The following CWC25 variants were observed in gnomAD, a reference collection of about 807,000 sequenced individuals.
The protein encoded by CWC25 is pre-mRNA-splicing factor CWC25 homolog.
In CWC25, 31 loss-of-function variants were observed where a neutral mutation model predicts 54.6. The ratio of observed to expected loss-of-function variants is 0.57; its 90% CI spans 0.43 to 0.77. The LOEUF (loss-of-function observed/expected upper bound fraction) is 0.77, where lower values mean the gene tolerates loss of function less well. CWC25 is among the 30% of genes least tolerant of loss of function. The pLI is 0.00. For synonymous variants in CWC25, 151 were observed against 187.0 expected (o/e 0.81, Z 1.57); for missense variants, 453 against 529.3 (o/e 0.86, Z 1.41).
chr17:38,804,895 T>C (rs550985030), intron 8 of CWC25, among the ~76,000 whole-genome samples: 2 of 148,130 alleles, frequency 1.4e-5, no homozygotes, highest in South Asian at 2.1e-4. Context: ...TCACCTGAGG[T>C]TGGGAGTTCG....
rs374775353 is a variant in CWC25 at position 38,806,314 on chromosome 17, A to G, written c.984T>C (p.His328=). Residue 328 remains histidine, a synonymous_variant, in exon 8 of 10, where the codon CAT becomes CAC. Transcript: ENST00000614790. ...SPKKEVYQRR[H]APGYTRKLSA... is the part of the protein sequence containing the mutation. ...TGACTCACCTGGTGTATCCGGGAGC[A>G]TGTCGCCTTTGGTAGACCTCTTTTT... The G allele has an allele frequency of 2.0e-4, 322 of 1,612,446 alleles. 1 individual carries two copies. The highest frequency in any genetic ancestry group is 1.3e-3 in the Middle Eastern group (8 of 6,060).
chr17:38,801,972 C>G lies in CWC25; in HGVS notation c.*120G>C. On this transcript the variant is annotated 3_prime_UTR_variant, in exon 10 of 10. Coordinates refer to ENST00000614790, the MANE Select transcript of CWC25 (RefSeq NM_017748.5). ...TTCAGGACTCAATGAAGCAGGGTCA[C>G]TTTGAACACTGGTGGTTTGACATCT... is the stretch of plus-strand genomic sequence containing the variant. 1 of 617,440 alleles carries G rather than the reference C, an allele frequency of 1.6e-6. No individual in the cohort carries two copies. 38.2% of individuals were successfully genotyped at this position (617,440 alleles called of 1,614,324 possible). A position where few individuals can be genotyped will look rare whatever the true frequency, so the allele number is the denominator to read the frequency against.
At chr17:38,803,593 G>A (rs529757548) in intron 8 of CWC25, among the ~76,000 whole-genome samples, 5 of 151,934 alleles carry the variant, frequency 3.3e-5, no homozygotes, top group Admixed American at 3.3e-4. Flanking sequence ...TCGCACCACT[G>A]CACTCCAGCC....
At chr17:38,809,586 T>G in intron 6 of CWC25, 116 bp downstream of exon 6, 1 of 855,342 alleles carries the variant, frequency 1.2e-6, no homozygotes, top group Middle Eastern at 2.7e-4. Context: ...GCGATAAGAA[T>G]GGGCCTGTTT....
At chr17:38,812,303 T>C (rs1157788391) in intron 4 of CWC25, among the ~76,000 whole-genome samples, 1 of 152,110 alleles carries the variant, frequency 6.6e-6, no homozygotes. Flanking sequence ...TGGTAATGCT[T>C]TCCACAGGCT....
intron 3 of CWC25, among the ~76,000 whole-genome samples, chr17:38,814,472 G>A (rs2143579808): frequency 6.6e-6 from 1 of 151,398 alleles, no homozygotes; most frequent in Non-Finnish European, 1.5e-5. Flanking sequence ...TGGGCGTGGT[G>A]GCTCACGCCT....
intron 3 of CWC25, among the ~76,000 whole-genome samples, chr17:38,814,527 TG>T (rs1180826889): frequency 6.6e-6 from 1 of 150,450 alleles, no homozygotes; most frequent in Admixed American, 6.6e-5. Flanking sequence ...GATCACAAGG[TG>T]GTCAGGAGAT....
intron 2 of CWC25, chr17:38,815,543 C>T (rs2143584016): frequency 1.6e-6 from 1 of 639,932 alleles, no homozygotes; most frequent in Non-Finnish European, 2.5e-6. Context: ...CGGAGCCAGA[C>T]CTTGTCTCAA....
In CWC25 at chr17:38,815,081, A is replaced by G. The variant is rs770533896; in HGVS notation, c.208T>C (p.Leu70=). ...VGAVKKKEEK[L]DWMYQGPGGM... is the part of the protein sequence containing the mutation. ...CCAGGACCCTGGTACATCCAGTCCA[A>G]CTTTTCTTCTTTTTTCCTGGTTCAA... Residue 70 remains leucine (L), a synonymous_variant, in exon 3 of 10, where the codon TTG becomes CTG. Transcript: ENST00000614790. 209 of 1,612,288 alleles carry G rather than the reference A, an allele frequency of 1.3e-4. No individual in the cohort carries two copies. Among genetic ancestry groups the G allele is most frequent in the Non-Finnish European group, 1.6e-4 (194 of 1,179,366 alleles).
Position 38,800,489 on chromosome 17 carries a change from T to C in CWC25, c.*1603A>G, listed in dbSNP as rs756365033. The stretch of plus-strand genomic sequence containing the variant: ...GTGGCCTTTATTACCAATTATAAAA[T>C]AAACATAATTAACCCCGGCATAATG... On this transcript the variant is annotated 3_prime_UTR_variant, in exon 10 of 10. Coordinates refer to ENST00000614790, the MANE Select transcript of CWC25 (RefSeq NM_017748.5). The C allele has an allele frequency of 3.3e-5, 5 of 152,120 alleles. No homozygotes were observed. Among genetic ancestry groups the C allele is most frequent in the African/African-American group, 4.8e-5 (2 of 41,396 alleles). 9.4% of individuals were successfully genotyped at this position (152,120 alleles called of 1,614,324 possible). A position where few individuals can be genotyped will look rare whatever the true frequency, so the allele number is the denominator to read the frequency against.
Position 38,806,318 on chromosome 17 carries a change from C to T in CWC25, c.980G>A (p.Arg327Gln), listed in dbSNP as rs1012807753. The stretch of plus-strand genomic sequence containing the variant: ...TCACCTGGTGTATCCGGGAGCATGT[C>T]GCCTTTGGTAGACCTCTTTTTTAGG... ...PSPKKEVYQRRHAPGYTRKLS... is the reference protein window; with the variant it reads ...PSPKKEVYQRQHAPGYTRKLS... Residue 327 changes from arginine to glutamine, a missense_variant, in exon 8 of 10, where the codon CGA becomes CAA. By Grantham distance (43) the Arg-to-Gln change is conservative (BLOSUM62 1). Transcript: ENST00000614790. The T allele has an allele frequency of 2.5e-6, 4 of 1,612,564 alleles. No homozygotes were observed. The highest frequency in any genetic ancestry group is 1.7e-5 in the Admixed American group (1 of 59,790).
rs534225231 is a variant in CWC25 at position 38,808,900 on chromosome 17, C to T, written c.690+802G>A. Among the ~76,000 whole-genome samples, 6 of 148,034 alleles carry T rather than the reference C, an allele frequency of 4.1e-5. No individual in the cohort carries two copies. The South Asian group carries it at 6.4e-4, about 16-fold the overall frequency. On this transcript the variant is annotated intron_variant, in intron 6 of 9. Coordinates refer to ENST00000614790, the MANE Select transcript of CWC25 (RefSeq NM_017748.5). Reference sequence around the variant, plus strand: ...GGTCGAGGTTGTGGTGAGCTGAGATCGCGCCATTGCACTCTAACCTGGGCA... The same window carrying T: ...GGTCGAGGTTGTGGTGAGCTGAGATTGCGCCATTGCACTCTAACCTGGGCA...
At chr17:38,813,922 C>T (rs904579121) in intron 3 of CWC25, among the ~76,000 whole-genome samples, 2 of 152,072 alleles carry the variant, frequency 1.3e-5, no homozygotes, top group African/African-American at 2.4e-5. Flanking sequence ...AGTGCAGTGG[C>T]GCGATCTCAG....
At chr17:38,811,195 C>T (rs1357749302) in intron 4 of CWC25, among the ~76,000 whole-genome samples, 1 of 151,716 alleles carries the variant, frequency 6.6e-6, no homozygotes, top group Non-Finnish European at 1.5e-5. Flanking sequence ...CACGCCACTG[C>T]ACTCCAGCAG....
Position 38,821,006 on chromosome 17 carries a change from T to C in CWC25, c.86A>G (p.Lys29Arg). Reference protein sequence around the residue: ...NVEKVWKAEQKHEAERKKIEE... With the variant: ...NVEKVWKAEQRHEAERKKIEE... ...AATCTTCTTCCGCTCAGCCTCATGC[T>C]TCTGCTCGGCCTTCCACACTTTCTC... is the stretch of plus-strand genomic sequence containing the variant. The change falls in exon 2 of 10, where the codon AAG (lysine) becomes AGG (arginine). Residue 29 changes from lysine (K) to arginine (R), a missense_variant. Coordinates refer to ENST00000614790, the MANE Select transcript of CWC25 (RefSeq NM_017748.5). 1 of 1,613,984 alleles carries C rather than the reference T, an allele frequency of 6.2e-7. No individual in the cohort carries two copies. The highest frequency in any genetic ancestry group is 1.3e-5 in the African/African-American group (1 of 75,056).
At chr17:38,823,046 G>A (rs1598079939) in intron 1 of CWC25, among the ~76,000 whole-genome samples, 1 of 151,678 alleles carries the variant, frequency 6.6e-6, no homozygotes, top group South Asian at 2.1e-4. Context: ...CACCGTGTTA[G>A]CCATGATGGT....
rs572112558 is a variant in CWC25 at position 38,802,816 on chromosome 17, C to T, written c.1047G>A (p.Met349Ile). The change falls in exon 9 of 10, where the codon ATG (methionine) becomes ATA (isoleucine). Residue 349 changes from methionine to isoleucine, a missense_variant. Physicochemically the swap from Met to Ile is conservative, Grantham distance 10. Transcript: ENST00000614790. ...CCTCCTCCCTCCATTTGGCGTTTTC[C>T]ATCATCTCTTGCCGTTTTCGCTCTA... ...EELERKRQEM[M>I]ENAKWREEER... 1 of 1,614,032 alleles carries T rather than the reference C, an allele frequency of 6.2e-7. No homozygotes were observed. The highest frequency in any genetic ancestry group is 1.3e-5 in the African/African-American group (1 of 75,052).
At chr17:38,813,327 G>A (rs960092174) in intron 3 of CWC25, among the ~76,000 whole-genome samples, 1 of 151,248 alleles carries the variant, frequency 6.6e-6, no homozygotes, top group African/African-American at 2.4e-5. Flanking sequence ...AAAATTAGCC[G>A]GGCATGGTAG....
chr17:38,813,611 A>G (rs1167559530), intron 3 of CWC25, among the ~76,000 whole-genome samples: 2 of 149,304 alleles, frequency 1.3e-5, no homozygotes, highest in Non-Finnish European at 3.0e-5. Flanking sequence ...TGGCATGATC[A>G]TGGCTCACTG....
Sources: gnomAD v4.1 joint callset for allele counts (sites outside exome capture counted in the v4.1 genomes callset) on GRCh38, gnomAD v4.1.1 for gene constraint, MANE v1.5 for transcripts, NCBI Gene and HGNC (gene_info 2026-07-23, HGNC 2026-07-21) for gene names.